The following CCNY variants were observed in gnomAD, a reference collection of about 807,000 sequenced individuals.
CCNY encodes the protein cyclin-Y.
CCNY carries 19 observed loss-of-function variants against 42.8 expected under a neutral mutation model. The ratio of observed to expected loss-of-function variants is 0.44; its 90% confidence interval spans 0.31 to 0.65. The LOEUF is 0.65. Ranked by LOEUF, CCNY falls within the 30% of genes least tolerant of loss-of-function variation. The pLI is 0.07. For synonymous variants in CCNY, 165 were observed against 162.7 expected (o/e 1.01, Z -0.11); for missense variants, 370 against 437.3 (o/e 0.85, Z 1.37).
At chr10:35,519,472 G>A (rs1245980625) in intron 4 of CCNY, among the ~76,000 whole-genome samples, 1 of 152,194 alleles carries the variant, frequency 6.6e-6, no homozygotes, top group Admixed American at 6.5e-5. Context: ...GAGGCATACT[G>A]TGAGTATCTG....
intron 1 of CCNY, among the ~76,000 whole-genome samples, chr10:35,460,096 A>G (rs1398781183): frequency 3.3e-5 from 5 of 152,200 alleles, no homozygotes; most frequent in Non-Finnish European, 5.9e-5. Flanking sequence ...GTGAGGTAGC[A>G]TGGTGTCATG....
At chr10:35,465,938 A>AGAGAGAGGGAGAGAGAGTGTGT in intron 1 of CCNY, among the ~76,000 whole-genome samples, 1 of 80,960 alleles carries the variant, frequency 1.2e-5, no homozygotes, top group African/African-American at 4.4e-5. Context: ...AGAGAGAGAG[A>AGAGAGAGGGAGAGAGAGTGTGT]GTGTGTGTGT....
chr10:35,550,793 C>G (rs1482216307), intron 7 of CCNY, among the ~76,000 whole-genome samples: 1 of 151,984 alleles, frequency 6.6e-6, no homozygotes, highest in Non-Finnish European at 1.5e-5. Context: ...TCTTTGTTAC[C>G]CCTTCATCCT....
Position 35,460,753 on chromosome 10 carries a change from C to T in CCNY, c.155-22651C>T, listed in dbSNP as rs142682870. Among the ~76,000 whole-genome samples, 471 of 152,288 alleles carry T rather than the reference C, an allele frequency of 3.1e-3. 3 individuals carry two copies. The highest frequency in any genetic ancestry group is 3.1e-3 in the South Asian group (15 of 4,826). On this transcript the variant is annotated intron_variant, in intron 1 of 9. Transcript: ENST00000374704. ...ATGTGGCAGCACAGTACCTATGGCA[C>T]GGCACAGTATCATAATACTCCTCAC...
chr10:35,364,860 G>A (rs1319006765), intron 1 of CCNY, among the ~76,000 whole-genome samples: 1 of 152,100 alleles, frequency 6.6e-6, no homozygotes, highest in East Asian at 1.9e-4. Context: ...ATTGGGAAAT[G>A]GTTCTAAGTG....
chr10:35,508,035 G>A (rs1265938881), intron 3 of CCNY, among the ~76,000 whole-genome samples: 1 of 152,112 alleles, frequency 6.6e-6, no homozygotes, highest in Non-Finnish European at 1.5e-5. Flanking sequence ...CAACTAATAA[G>A]CAGTCTCTGG....
intron 1 of CCNY, among the ~76,000 whole-genome samples, chr10:35,457,897 A>G (rs1312198750): frequency 1.3e-5 from 2 of 152,164 alleles, no homozygotes; most frequent in Non-Finnish European, 2.9e-5. Flanking sequence ...GTATTTTTAA[A>G]TTCTCTTATA....
At chr10:35,340,874 C>G (rs1179349458) in intron 1 of CCNY, among the ~76,000 whole-genome samples, 1 of 152,114 alleles carries the variant, frequency 6.6e-6, no homozygotes, top group Admixed American at 6.5e-5. Flanking sequence ...TGTATCATAT[C>G]TGGTAGGAAA....
At chr10:35,538,834 T>G (rs1840939016) in intron 7 of CCNY, among the ~76,000 whole-genome samples, 1 of 152,222 alleles carries the variant, frequency 6.6e-6, no homozygotes, top group Admixed American at 6.5e-5. Flanking sequence ...TTGTCACTTG[T>G]GCTTATCTAA....
intron 1 of CCNY, among the ~76,000 whole-genome samples, chr10:35,482,985 G>A (rs367624559): frequency 2.0e-4 from 30 of 152,178 alleles, no homozygotes; most frequent in East Asian, 1.7e-3. Context: ...ATGCTGATTC[G>A]CCCTAACGAG....
At chr10:35,476,636 G>A (rs1203233340) in intron 1 of CCNY, among the ~76,000 whole-genome samples, 3 of 151,048 alleles carry the variant, frequency 2.0e-5, no homozygotes, top group Non-Finnish European at 4.4e-5. Context: ...ATTCAAAGCA[G>A]TGTGTAGAGG....
intron 7 of CCNY, among the ~76,000 whole-genome samples, chr10:35,549,790 A>G (rs1841209018): frequency 1.0e-5 from 1 of 97,356 alleles, no homozygotes; most frequent in Non-Finnish European, 2.0e-5. Flanking sequence ...ACATGACCCT[A>G]CAGTGCTCGT....
intron 3 of CCNY, among the ~76,000 whole-genome samples, chr10:35,504,560 A>G (rs185968019): frequency 1.3e-5 from 2 of 152,364 alleles, no homozygotes. Flanking sequence ...TGAATTATAA[A>G]GGTTAATATT....
chr10:35,281,493 G>A (rs1195153223), intron 3 of CCNY, among the ~76,000 whole-genome samples: 3 of 151,776 alleles, frequency 2.0e-5, no homozygotes, highest in East Asian at 1.9e-4. Context: ...TAGTAGAGAC[G>A]GAGTTTCAGC....
At chr10:35,389,951 C>T (rs534369443) in intron 1 of CCNY, among the ~76,000 whole-genome samples, 1 of 152,196 alleles carries the variant, frequency 6.6e-6, no homozygotes, top group African/African-American at 2.4e-5. Context: ...TCCTATCTAT[C>T]TGAAGACTGC....
intron 1 of CCNY, among the ~76,000 whole-genome samples, chr10:35,438,002 C>G (rs1462976673): frequency 6.6e-6 from 1 of 152,192 alleles, no homozygotes; most frequent in Non-Finnish European, 1.5e-5. Flanking sequence ...TGCCAGTTCT[C>G]TGCTTGGCAG....
At chr10:35,467,133 T>TG (rs1839286057) in intron 1 of CCNY, among the ~76,000 whole-genome samples, 1 of 152,206 alleles carries the variant, frequency 6.6e-6, no homozygotes, top group Non-Finnish European at 1.5e-5. Context: ...GTGTGAATAA[T>TG]TGTATGTACA....
At chr10:35,550,816 A>G (rs1841238653) in intron 7 of CCNY, among the ~76,000 whole-genome samples, 1 of 151,990 alleles carries the variant, frequency 6.6e-6, no homozygotes, top group Non-Finnish European at 1.5e-5. Context: ...CTCCAGCCTT[A>G]AAATGGAAGG....
chr10:35,475,432 C>T (rs1386081861), intron 1 of CCNY, among the ~76,000 whole-genome samples: 4 of 151,298 alleles, frequency 2.6e-5, no homozygotes, highest in East Asian at 1.9e-4. Flanking sequence ...AGACTAACAG[C>T]GGATCTCTCG....
Sources: gnomAD v4.1 joint callset for allele counts (sites outside exome capture counted in the v4.1 genomes callset) on GRCh38, gnomAD v4.1.1 for gene constraint, MANE v1.5 for transcripts, NCBI Gene and HGNC (gene_info 2026-07-23, HGNC 2026-07-21) for gene names.